Variants in HS2ST1 observed in about 807,000 individuals in gnomAD.
HS2ST1 encodes the protein 2-O-sulfotransferase.
A neutral mutation model predicts 42.9 loss-of-function variants in HS2ST1; 18 were observed. The ratio of observed to expected loss-of-function variants is 0.42; its 90% CI spans 0.29 to 0.62. HS2ST1 has a LOEUF of 0.62. Among genes scored for constraint, HS2ST1 ranks in the 20% least tolerant of loss-of-function variants. The pLI is 0.21. For synonymous variants in HS2ST1, 146 were observed against 152.9 expected (o/e 0.95, Z 0.33); for missense variants, 334 against 433.8 (o/e 0.77, Z 2.04).
Position 87,064,488 on chromosome 1 carries a change from A to G in HS2ST1, c.125-8446A>G, listed in dbSNP as rs760029959. 7.7e-6 allele frequency: 4 copies of G among 518,554 alleles called. No homozygotes were observed. In the East Asian group the frequency reaches 2.2e-4, roughly 28 times the overall value. 32.1% of individuals were successfully genotyped at this position (518,554 alleles called of 1,614,324 possible). A position where few individuals can be genotyped will look rare whatever the true frequency, so the allele number is the denominator to read the frequency against. On this transcript the variant is annotated intron_variant, in intron 1 of 6. Transcript: ENST00000370550. ...GTCACTGTTAGCTCTTTTTTATAGG[A>G]TGATTCATATAACCATAACTTGTAA... is the stretch of plus-strand genomic sequence containing the variant.
chr1:87,044,036 T>G (rs1650583065), intron 1 of HS2ST1, among the ~76,000 whole-genome samples: 1 of 152,076 alleles, frequency 6.6e-6, no homozygotes, highest in African/African-American at 2.4e-5. Flanking sequence ...TATATTCAGT[T>G]CAGCAGGCCA....
At position 86,972,393 on chromosome 1, in the gene HS2ST1, C is replaced by T. The variant is rs372099460; in HGVS notation, c.124+57233C>T. On this transcript the variant is annotated intron_variant, in intron 1 of 6. Coordinates refer to ENST00000370550, the MANE Select transcript of HS2ST1 (RefSeq NM_012262.4). ...AGAGATGGAGGTCTCATTCTATCGC[C>T]CAGGCTGGAGTGCAGTGGTGTAATC... Among the ~76,000 whole-genome samples the T allele has an allele frequency of 1.1e-4, 16 of 151,904 alleles. No homozygotes were observed. In the South Asian group the frequency reaches 2.7e-3, roughly 26 times the overall value.
At chr1:86,981,040 A>C (rs544097938) in intron 1 of HS2ST1, among the ~76,000 whole-genome samples, 11 of 152,264 alleles carry the variant, frequency 7.2e-5, no homozygotes, top group East Asian at 5.8e-4. Flanking sequence ...GGAAACTTAC[A>C]ATCATGGTGG....
At chr1:87,000,970 A>T (rs1386813531) in intron 1 of HS2ST1, among the ~76,000 whole-genome samples, 1 of 152,196 alleles carries the variant, frequency 6.6e-6, no homozygotes, top group East Asian at 1.9e-4. Context: ...ATTGGTTTCC[A>T]GGGTTTGTTG....
intron 1 of HS2ST1, among the ~76,000 whole-genome samples, chr1:87,055,302 A>G (rs548771930): frequency 2.6e-5 from 4 of 152,190 alleles, no homozygotes; most frequent in African/African-American, 4.8e-5. Context: ...TCCTTCCCCA[A>G]TTCTCAAATT....
At chr1:86,926,736 T>G (rs1660430490) in intron 1 of HS2ST1, among the ~76,000 whole-genome samples, 2 of 152,230 alleles carry the variant, frequency 1.3e-5, no homozygotes, top group South Asian at 4.1e-4. Flanking sequence ...TAATTAAAAC[T>G]AATATTGTAA....
intron 1 of HS2ST1, among the ~76,000 whole-genome samples, chr1:87,041,579 C>T (rs1245565543): frequency 1.3e-5 from 2 of 152,132 alleles, no homozygotes; most frequent in Non-Finnish European, 2.9e-5. Flanking sequence ...ACTTTATACA[C>T]ATTAACAGCA....
At chr1:87,091,366 G>A (rs1048367399) in intron 3 of HS2ST1, among the ~76,000 whole-genome samples, 2 of 151,886 alleles carry the variant, frequency 1.3e-5, no homozygotes, top group Admixed American at 6.6e-5. Flanking sequence ...TTTGAGGAGA[G>A]TTAAAGAAAA....
Position 87,073,008 on chromosome 1 carries a change from A to G in HS2ST1, c.199A>G (p.Thr67Ala). ...AATGGATGGCCCTCGGCAAGATGCC[A>G]CTTTAGATGAGGAAGAGGACATGGT... ...HTMDGPRQDA[T>A]LDEEEDMVII... The change falls in exon 2 of 7, where the codon ACT (threonine) becomes GCT (alanine). Residue 67 changes from threonine to alanine, a missense_variant. Coordinates refer to ENST00000370550, the MANE Select transcript of HS2ST1 (RefSeq NM_012262.4). 2 of 1,614,116 alleles carry G rather than the reference A, an allele frequency of 1.2e-6. No homozygotes were observed. The highest frequency in any genetic ancestry group is 1.7e-6 in the Non-Finnish European group (2 of 1,179,988).
chr1:87,068,805 A>G (rs1202996222), intron 1 of HS2ST1, among the ~76,000 whole-genome samples: 2 of 152,242 alleles, frequency 1.3e-5, no homozygotes, highest in East Asian at 3.8e-4. Flanking sequence ...TAGAGAAAAG[A>G]AAATGTTATT....
At chr1:86,985,361 A>T (rs1648728399) in intron 1 of HS2ST1, among the ~76,000 whole-genome samples, 1 of 57,276 alleles carries the variant, frequency 1.7e-5, no homozygotes, top group African/African-American at 4.6e-5. Context: ...CAAAAAAAAA[A>T]AAAAAAGTAT....
In HS2ST1 at chr1:86,932,356, G is replaced by A. The variant is rs1404970523; in HGVS notation, c.124+17196G>A. 4 of 151,798 alleles carry A rather than the reference G, an allele frequency of 2.6e-5. No individual in the cohort carries two copies. In the East Asian group the frequency reaches 7.7e-4, roughly 29 times the overall value. The allele number at this position is 151,798 out of a possible 1,614,324, so 9.4% of individuals were successfully genotyped here. A position where few individuals can be genotyped will look rare whatever the true frequency, so the allele number is the denominator to read the frequency against. On this transcript the variant is annotated intron_variant, in intron 1 of 6. Transcript: ENST00000370550. Reference sequence around the variant, plus strand: ...AAAGGGTACAAACATGCAGACAGACGGAATAAATTTAATGTTATAATTCTC... The same window carrying A: ...AAAGGGTACAAACATGCAGACAGACAGAATAAATTTAATGTTATAATTCTC...
intron 1 of HS2ST1, among the ~76,000 whole-genome samples, chr1:86,948,924 G>A (rs961178284): frequency 2.6e-5 from 4 of 152,186 alleles, no homozygotes; most frequent in Admixed American, 2.6e-4. Context: ...TAGAGTCATA[G>A]CAAGGCTTAA....
chr1:86,964,773 A>G (rs530518257), intron 1 of HS2ST1, among the ~76,000 whole-genome samples: 1 of 152,340 alleles, frequency 6.6e-6, no homozygotes, highest in Non-Finnish European at 1.5e-5. Context: ...TGAGTAAGTG[A>G]CAGGTGATTC....
intron 2 of HS2ST1, among the ~76,000 whole-genome samples, chr1:87,083,578 G>T (rs1005713214): frequency 6.6e-6 from 1 of 151,898 alleles, no homozygotes; most frequent in Non-Finnish European, 1.5e-5. Context: ...ATTAATTTTT[G>T]TGTACGTTAA....
At chr1:87,066,585 A>C (rs540307305) in intron 1 of HS2ST1, among the ~76,000 whole-genome samples, 11 of 151,966 alleles carry the variant, frequency 7.2e-5, no homozygotes, top group African/African-American at 2.7e-4. Context: ...ATTTTTTTTT[A>C]TTATTATACT....
chr1:86,993,319 C>G (rs529439189), intron 1 of HS2ST1, among the ~76,000 whole-genome samples: 3 of 151,812 alleles, frequency 2.0e-5, no homozygotes, highest in African/African-American at 7.3e-5. Flanking sequence ...GTGCTTTGAT[C>G]AAAATTGTTT....
chr1:87,075,307 T>C (rs868517883), intron 2 of HS2ST1, among the ~76,000 whole-genome samples: 8 of 151,544 alleles, frequency 5.3e-5, no homozygotes, highest in Admixed American at 2.0e-4. Context: ...GCGAGGATTA[T>C]AGGCATGCGC....
intron 1 of HS2ST1, among the ~76,000 whole-genome samples, chr1:86,992,640 G>T (rs1293210904): frequency 6.6e-6 from 1 of 152,156 alleles, no homozygotes; most frequent in Non-Finnish European, 1.5e-5. Context: ...GGGATTACAG[G>T]CATGAGCCAC....
Sources: gnomAD v4.1 joint callset for allele counts (sites outside exome capture counted in the v4.1 genomes callset) on GRCh38, gnomAD v4.1.1 for gene constraint, MANE v1.5 for transcripts, NCBI Gene and HGNC (gene_info 2026-07-23, HGNC 2026-07-21) for gene names.